Variants in CALML4 observed in about 807,000 individuals in gnomAD.
The protein encoded by CALML4 is calmodulin like 4.
A neutral mutation model predicts 17.9 loss-of-function variants in CALML4; 16 were observed. The observed-to-expected ratio is 0.89, with a 90% CI of 0.61 to 1.36. CALML4 has a LOEUF of 1.36. Among genes scored for constraint, CALML4 ranks in the 40% most tolerant of loss-of-function variants. The probability of loss-of-function intolerance (pLI) is 0.00; values close to 1 mark genes in which losing one functional copy is unlikely to be tolerated. For missense variants in CALML4, 203 were observed against 194.8 expected (o/e 1.04, Z -0.25); for synonymous variants, 86 against 71.5 (o/e 1.20, Z -1.02).
rs1453186777 is a variant in CALML4 at position 68,205,267 on chromosome 15, C to A, written c.-20G>T. On this transcript the variant is annotated 5_prime_UTR_variant, in exon 1 of 5. Transcript: ENST00000467889. The surrounding 1 kb of genome is among the most constrained non-coding windows in gnomAD (Gnocchi z 4.8). ...CACCATTCTGGGGCCTCGGCTGCTA[C>A]CCGTGGGCTTGCTGCTCCCAGAACC... The A allele has an allele frequency of 1.2e-6, 2 of 1,614,128 alleles. No homozygotes were observed. The highest frequency in any genetic ancestry group is 3.3e-5 in the Admixed American group (2 of 60,026).
Position 68,197,835 on chromosome 15 carries a change from C to T in CALML4, c.176-207G>A. On this transcript the variant is annotated intron_variant, in intron 3 of 4. Coordinates refer to ENST00000467889, the MANE Select transcript of CALML4 (RefSeq NM_033429.3). The surrounding 1 kb of genome is among the most constrained non-coding windows in gnomAD (Gnocchi z 4.1). ...TCACTGGACTGGACATTCTTCATTT[C>T]AGCAACGTCCTCAGTGACGATGCTT... 1.8e-6 allele frequency: 1 copy of T among 554,400 alleles called. No homozygotes were observed. Among genetic ancestry groups the T allele is most frequent in the African/African-American group, 1.9e-5 (1 of 53,172 alleles). The allele number at this position is 554,400 out of a possible 1,614,324, so 34.3% of individuals were successfully genotyped here.
rs1051526591 is a variant in CALML4, at chr15:68,191,037, T to G, written c.*2978A>C. The G allele has an allele frequency of 1.3e-5, 2 of 152,548 alleles. No homozygotes were observed. The highest frequency in any genetic ancestry group is 4.8e-5 in the African/African-American group (2 of 41,470). 9.4% of individuals were successfully genotyped at this position (152,548 alleles called of 1,614,324 possible). ...TAAAACTTTCAAGATCTTCAGGACT[T>G]TTTAAAGCACATTTGAAATTATTTT... On this transcript the variant is annotated 3_prime_UTR_variant, in exon 5 of 5. Transcript: ENST00000467889.
Position 68,204,120 on chromosome 15 carries a change from G to A in CALML4, c.34+1001C>T, listed in dbSNP as rs2093174252. On this transcript the variant is annotated intron_variant, in intron 2 of 4. Transcript: ENST00000467889. This position sits in a 1 kb window ranked among gnomAD's most constrained non-coding sequence, Gnocchi z 6.0. ...CCTCCTCTTGGGATAAAGAGTTCCA[G>A]GGTTCTACGTGGAGGTGCCCACCTG... Among the ~76,000 whole-genome samples the A allele has an allele frequency of 6.6e-6, 1 of 152,152 alleles. No homozygotes were observed. Among genetic ancestry groups the A allele is most frequent in the African/African-American group, 2.4e-5 (1 of 41,434 alleles).
At chr15:68,203,893 A>G (rs980224834) in intron 2 of CALML4, among the ~76,000 whole-genome samples, 3 of 152,050 alleles carry the variant, frequency 2.0e-5, no homozygotes, top group African/African-American at 7.2e-5. Context: ...TACAAAGACA[A>G]TTTACCTTCT....
intron 4 of CALML4, among the ~76,000 whole-genome samples, chr15:68,195,909 C>T (rs1214272026): frequency 6.6e-6 from 1 of 152,130 alleles, no homozygotes; most frequent in African/African-American, 2.4e-5. Flanking sequence ...CTGCTGACTC[C>T]ACCTGCTGTC....
chr15:68,205,350 C>G (rs760690130), upstream of CALML4: 3 of 1,614,030 alleles, frequency 1.9e-6, no homozygotes, highest in Admixed American at 3.3e-5. The surrounding 1 kb of genome is among the most constrained non-coding windows in gnomAD (Gnocchi z 4.8). Context: ...TGGGTGGAGG[C>G]CCGGGTAATA....
chr15:68,196,607 G>A (rs968824492), intron 4 of CALML4, among the ~76,000 whole-genome samples: 1 of 152,126 alleles, frequency 6.6e-6, no homozygotes, highest in African/African-American at 2.4e-5. Context: ...CTCGGGCAGA[G>A]GCAGAGCTGG....
At chr15:68,199,518 C>A in intron 3 of CALML4, 23 bp downstream of exon 3, 1 of 1,600,658 alleles carries the variant, frequency 6.2e-7, no homozygotes, top group Non-Finnish European at 8.5e-7. Flanking sequence ...TCCCCTCTCC[C>A]CGTTGTTCCC....
At position 68,200,587 on chromosome 15, in the gene CALML4, G is replaced by A. The variant is rs2093162367; in HGVS notation, c.35-906C>T. On this transcript the variant is annotated intron_variant, in intron 2 of 4. Transcript: ENST00000467889. This position sits in a 1 kb window ranked among gnomAD's most constrained non-coding sequence, Gnocchi z 4.3. The stretch of plus-strand genomic sequence containing the variant: ...CGCACTGACTGAGCATCTGATTTAG[G>A]GGTAGGTGGGGCTGCCATCAGGACA... Among the ~76,000 whole-genome samples, 1 of 152,200 alleles carries A rather than the reference G, an allele frequency of 6.6e-6. No individual in the cohort carries two copies. The highest frequency in any genetic ancestry group is 2.4e-5 in the African/African-American group (1 of 41,464).
In CALML4 at chr15:68,193,128, G is replaced by A. The variant is rs2093127789; in HGVS notation, c.*887C>T. Reference sequence around the variant, plus strand: ...GTAAGTCCTGGGGAGGTGGCTTAAGGCAATGACCAGTGTGGGCCACTTGAG... The same window carrying A: ...GTAAGTCCTGGGGAGGTGGCTTAAGACAATGACCAGTGTGGGCCACTTGAG... On this transcript the variant is annotated 3_prime_UTR_variant, in exon 5 of 5. Coordinates refer to ENST00000467889, the MANE Select transcript of CALML4 (RefSeq NM_033429.3). 1 of 152,298 alleles carries A rather than the reference G, an allele frequency of 6.6e-6. No homozygotes were observed. The highest frequency in any genetic ancestry group is 2.4e-5 in the African/African-American group (1 of 41,460). The allele number at this position is 152,298 out of a possible 1,614,324, so 9.4% of individuals were successfully genotyped here.
chr15:68,197,603 G>A lies in CALML4; in HGVS notation c.201C>T (p.Ser67=), dbSNP rs2093150258. ...GIDGNGELDF[S]TFLTIMHMQI... is the part of the protein sequence containing the mutation. ...GCATGTGCATAATGGTCAGAAAAGT[G>A]GAGAAATCCAGCTCTCCATTTCCGT... Residue 67 remains serine, a synonymous_variant, in exon 4 of 5, where the codon TCC becomes TCT. Transcript: ENST00000467889. The surrounding 1 kb of genome is among the most constrained non-coding windows in gnomAD (Gnocchi z 4.1). 1 of 1,614,004 alleles carries A rather than the reference G, an allele frequency of 6.2e-7. No homozygotes were observed. Among genetic ancestry groups the A allele is most frequent in the Non-Finnish European group, 8.5e-7 (1 of 1,179,986 alleles).
At chr15:68,198,230 T>G (rs1185995258) in intron 3 of CALML4, 4 of 152,416 alleles carry the variant, frequency 2.6e-5, no homozygotes, top group Non-Finnish European at 5.9e-5. Context: ...GAGCTGGACA[T>G]GGGGGATCTC....
Position 68,204,252 on chromosome 15 carries a change from C to T in CALML4, c.34+869G>A, listed in dbSNP as rs577239191. Among the ~76,000 whole-genome samples the T allele has an allele frequency of 3.9e-5, 6 of 152,282 alleles. No individual in the cohort carries two copies. The East Asian group carries it at 1.2e-3, about 29-fold the overall frequency. On this transcript the variant is annotated intron_variant, in intron 2 of 4. Transcript: ENST00000467889. This position sits in a 1 kb window ranked among gnomAD's most constrained non-coding sequence, Gnocchi z 6.0. Reference sequence around the variant, plus strand: ...CTTGGCTGGGCTCTCAGGACCCTACCCTGGATCACAAGGGCCCAAGGTGCC... The same window carrying T: ...CTTGGCTGGGCTCTCAGGACCCTACTCTGGATCACAAGGGCCCAAGGTGCC...
Position 68,194,082 on chromosome 15 carries a change from T to G in CALML4, c.395A>C (p.Glu132Ala), listed in dbSNP as rs764275228. Residue 132 changes from glutamate to alanine, a missense_variant, in exon 5 of 5, where the codon GAA becomes GCA. Coordinates refer to ENST00000467889, the MANE Select transcript of CALML4 (RefSeq NM_033429.3). ...VDDLFREADI[E>A]PNGKVKYDEF... ...ATCATACTTCACTTTGCCATTGGGT[T>G]CGATATCTGCTTCCCTGAAGAGATC... The G allele has an allele frequency of 6.2e-7, 1 of 1,614,002 alleles. No individual in the cohort carries two copies. The highest frequency in any genetic ancestry group is 1.3e-5 in the African/African-American group (1 of 75,060).
At chr15:68,195,257 ACAC>A (rs1413467145) in intron 4 of CALML4, among the ~76,000 whole-genome samples, 2 of 152,074 alleles carry the variant, frequency 1.3e-5, no homozygotes, top group African/African-American at 4.8e-5. Flanking sequence ...TTCCACACAC[ACAC>A]CTCCGGTCGT....
rs2093151384 is a variant in CALML4 at position 68,197,866 on chromosome 15, C to T, written c.176-238G>A. 2 of 492,434 alleles carry T rather than the reference C, an allele frequency of 4.1e-6. No individual in the cohort carries two copies. Among genetic ancestry groups the T allele is most frequent in the African/African-American group, 3.9e-5 (2 of 51,866 alleles). The allele number at this position is 492,434 out of a possible 1,614,324, so 30.5% of individuals were successfully genotyped here. On this transcript the variant is annotated intron_variant, in intron 3 of 4. Transcript: ENST00000467889. The surrounding 1 kb of genome is among the most constrained non-coding windows in gnomAD (Gnocchi z 4.1). Reference sequence around the variant, plus strand: ...CGTCCTCAGTGACGATGCTTATCATCACCCCAAAGCTCAAGAAAGTGGGTT... The same window carrying T: ...CGTCCTCAGTGACGATGCTTATCATTACCCCAAAGCTCAAGAAAGTGGGTT...
In CALML4 at chr15:68,199,624, G is replaced by T; in HGVS notation, c.92C>A (p.Thr31Asn). ...GCACCTCATGGCCACCATGAGGTCG[G>T]TGGCTTTTATCTTCCCCCTCTGCTG... Reference protein sequence around the residue: ...DKQQRGKIKATDLMVAMRCLG... With the variant: ...DKQQRGKIKANDLMVAMRCLG... The change falls in exon 3 of 5, where the codon ACC (threonine) becomes AAC (asparagine). Residue 31 changes from threonine to asparagine, a missense_variant. Transcript: ENST00000467889. The T allele has an allele frequency of 6.2e-7, 1 of 1,613,606 alleles. No individual in the cohort carries two copies. The highest frequency in any genetic ancestry group is 8.5e-7 in the Non-Finnish European group (1 of 1,179,926).
rs147801820 is a variant in CALML4, at chr15:68,201,130, T to C, written c.35-1449A>G. 1.4e-4 allele frequency among the ~76,000 whole-genome samples: 22 copies of C among 152,308 alleles called. No individual in the cohort carries two copies. The East Asian group carries it at 2.7e-3, about 19-fold the overall frequency. On this transcript the variant is annotated intron_variant, in intron 2 of 4. Coordinates refer to ENST00000467889, the MANE Select transcript of CALML4 (RefSeq NM_033429.3). The stretch of plus-strand genomic sequence containing the variant: ...GTCACTAAAGACAGGCAGATCGCCA[T>C]GTACCATTTAGAGACAAATTCGCGG...
chr15:68,192,985 T>TA lies in CALML4; in HGVS notation c.*1029dup, dbSNP rs1270381012. 4 of 152,328 alleles carry TA rather than the reference T, an allele frequency of 2.6e-5. No individual in the cohort carries two copies. The highest frequency in any genetic ancestry group is 9.6e-5 in the African/African-American group (4 of 41,452). The allele number at this position is 152,328 out of a possible 1,614,324, so 9.4% of individuals were successfully genotyped here. On this transcript the variant is annotated 3_prime_UTR_variant, in exon 5 of 5. Transcript: ENST00000467889. ...ACCAACCTGGCACCTTCTAGCTGTG[T>TA]AACTCACTCAAAGCCACTCCAGCTG...
Sources: allele counts gnomAD v4.1 joint callset (sites outside exome capture counted in the v4.1 genomes callset), GRCh38; gene constraint gnomAD v4.1.1; non-coding constraint Gnocchi (gnomAD v3.1); transcripts MANE v1.5; gene names NCBI Gene and HGNC (gene_info 2026-07-23, HGNC 2026-07-21).